ZFPM2: variants seen among roughly 807,000 people sequenced by gnomAD.
ZFPM2 encodes zinc finger protein, FOG family member 2.
In ZFPM2, 20 loss-of-function variants were observed where a neutral mutation model predicts 98.6. That is an observed-to-expected ratio of 0.20 (90% CI 0.14 to 0.29). ZFPM2 has a LOEUF of 0.29. Among genes scored for constraint, ZFPM2 ranks in the 10% least tolerant of loss-of-function variants. The probability of loss-of-function intolerance (pLI) is 1.00; values close to 1 mark genes in which losing one functional copy is unlikely to be tolerated. For synonymous variants in ZFPM2, 518 were observed against 502.7 expected (o/e 1.03, Z -0.41); for missense variants, 1,310 against 1,388.6 (o/e 0.94, Z 0.90).
At chr8:105,419,029 A>G in intron 1 of ZFPM2, 115 bp from the exon 2 acceptor site, 1 of 877,484 alleles carries the variant, frequency 1.1e-6, no homozygotes, top group South Asian at 1.7e-5. Flanking sequence ...TGGTGGTACT[A>G]CTTAGAGTAT....
At chr8:105,412,297 A>C (rs1272423815) in intron 1 of ZFPM2, among the ~76,000 whole-genome samples, 1 of 151,828 alleles carries the variant, frequency 6.6e-6, no homozygotes, top group African/African-American at 2.4e-5. Context: ...TTAACATTTC[A>C]AAACTCAATT....
chr8:105,693,725 T>C (rs1016478120), intron 5 of ZFPM2, among the ~76,000 whole-genome samples: 1 of 152,134 alleles, frequency 6.6e-6, no homozygotes, highest in Admixed American at 6.6e-5. Flanking sequence ...AAAATTTATC[T>C]TTTAAATGGT....
chr8:105,677,217 T>TA (rs112378479), intron 5 of ZFPM2, among the ~76,000 whole-genome samples: 1 of 80,952 alleles, frequency 1.2e-5, no homozygotes, highest in African/African-American at 8.2e-5. Context: ...AAATCATGTC[T>TA]TTTTTTTTTT....
intron 3 of ZFPM2, among the ~76,000 whole-genome samples, chr8:105,499,599 C>A (rs1274144919): frequency 6.6e-6 from 1 of 152,088 alleles, no homozygotes; most frequent in African/African-American, 2.4e-5. Context: ...GGTCAGATTC[C>A]CAAGCTCTCT....
chr8:105,655,223 CTTTTTTTT>C (rs34262627), intron 5 of ZFPM2, among the ~76,000 whole-genome samples: 5 of 76,098 alleles, frequency 6.6e-5, no homozygotes, highest in East Asian at 4.0e-4. Flanking sequence ...TGCATTGAGT[CTTTTTTTT>C]TTTTTTTTTT....
chr8:105,457,478 AGAG>A (rs541175462), intron 3 of ZFPM2, among the ~76,000 whole-genome samples: 9 of 152,230 alleles, frequency 5.9e-5, no homozygotes, highest in African/African-American at 1.7e-4. Context: ...CTCACAGTAC[AGAG>A]GAGAAGATAG....
chr8:105,517,653 C>G (rs4734872), intron 3 of ZFPM2, among the ~76,000 whole-genome samples: 59,267 of 149,724 alleles, frequency 0.4, 14,486 homozygotes, highest in African/African-American at 0.7. Context: ...AGTTTGAGAC[C>G]AGCCTGGGGA....
intron 4 of ZFPM2, among the ~76,000 whole-genome samples, chr8:105,611,459 C>T (rs1252288564): frequency 1.3e-5 from 2 of 152,082 alleles, no homozygotes; most frequent in Non-Finnish European, 2.9e-5. Context: ...GAAAAATGGT[C>T]ATTTTGGCAC....
intron 5 of ZFPM2, among the ~76,000 whole-genome samples, chr8:105,655,293 G>A (rs189800687): frequency 2.0e-5 from 3 of 149,638 alleles, no homozygotes; most frequent in African/African-American, 7.4e-5. Context: ...GTGCAATGGG[G>A]TGGTCTTGGC....
At chr8:105,479,725 G>A (rs1446602988) in intron 3 of ZFPM2, among the ~76,000 whole-genome samples, 1 of 152,128 alleles carries the variant, frequency 6.6e-6, no homozygotes, top group East Asian at 1.9e-4. Flanking sequence ...AGGAAGTAAA[G>A]GCCATTAGAA....
intron 1 of ZFPM2, among the ~76,000 whole-genome samples, chr8:105,363,199 G>T (rs1810440749): frequency 6.6e-6 from 1 of 151,990 alleles, no homozygotes; most frequent in Non-Finnish European, 1.5e-5. Flanking sequence ...AATTTTAAAT[G>T]ATCTTTGTCT....
At chr8:105,653,516 T>C (rs1296507433) in intron 5 of ZFPM2, among the ~76,000 whole-genome samples, 4 of 152,208 alleles carry the variant, frequency 2.6e-5, no homozygotes, top group Non-Finnish European at 5.9e-5. Flanking sequence ...CAATATAACA[T>C]TGGCTTGTTA....
chr8:105,786,932 C>T (rs1336837784), intron 5 of ZFPM2: 1 of 152,198 alleles, frequency 6.6e-6, no homozygotes, highest in East Asian at 1.9e-4. Context: ...TGACTGAAGT[C>T]TAGTGACTCT....
intron 3 of ZFPM2, among the ~76,000 whole-genome samples, chr8:105,508,026 A>G (rs1813738760): frequency 6.6e-6 from 1 of 152,182 alleles, no homozygotes; most frequent in Non-Finnish European, 1.5e-5. Context: ...GGCTGCTAGG[A>G]GTGCCAAGGA....
At chr8:105,346,595 A>G (rs1349907750) in intron 1 of ZFPM2, among the ~76,000 whole-genome samples, 1 of 152,176 alleles carries the variant, frequency 6.6e-6, no homozygotes. Context: ...GAAAACTTTC[A>G]TTGAGAGCCT....
At chr8:105,394,074 T>G (rs1418801324) in intron 1 of ZFPM2, among the ~76,000 whole-genome samples, 1 of 152,024 alleles carries the variant, frequency 6.6e-6, no homozygotes, top group Non-Finnish European at 1.5e-5. Context: ...TTTGTATTTT[T>G]ATTAGAGTCG....
chr8:105,401,545 T>G (rs1213147665), intron 1 of ZFPM2, among the ~76,000 whole-genome samples: 2 of 152,134 alleles, frequency 1.3e-5, no homozygotes, highest in Non-Finnish European at 1.5e-5. Flanking sequence ...AAGATGATTC[T>G]GTATGTTCTT....
intron 1 of ZFPM2, among the ~76,000 whole-genome samples, chr8:105,352,229 T>C (rs1284193446): frequency 1.3e-5 from 2 of 152,240 alleles, no homozygotes; most frequent in Non-Finnish European, 2.9e-5. Context: ...TAAATGTTTC[T>C]TTATGAAAAT....
chr8:105,464,785 T>C (rs77748207), intron 3 of ZFPM2, among the ~76,000 whole-genome samples: 3,115 of 152,050 alleles, frequency 0.02, 106 homozygotes, highest in African/African-American at 0.071. Flanking sequence ...GATTGGTCAG[T>C]CTGGGCAAAC....
Sources: allele counts gnomAD v4.1 joint callset (sites outside exome capture counted in the v4.1 genomes callset), GRCh38; gene constraint gnomAD v4.1.1; transcripts MANE v1.5; gene names NCBI Gene and HGNC (gene_info 2026-07-23, HGNC 2026-07-21).